Variants in ADCY3 observed in about 807,000 individuals in gnomAD.
The protein encoded by ADCY3 is adenylate cyclase 3.
A neutral mutation model predicts 119.4 loss-of-function variants in ADCY3; 70 were observed. That is an observed-to-expected ratio of 0.59 (90% CI 0.48 to 0.72). The LOEUF (loss-of-function observed/expected upper bound fraction) is 0.72, where lower values mean the gene tolerates loss of function less well. Among genes scored for constraint, ADCY3 ranks in the 30% least tolerant of loss-of-function variants. ADCY3 has a pLI of 0.00. For missense variants in ADCY3, 1,238 were observed against 1,541.6 expected, an observed-to-expected ratio of 0.80 and a Z score of 3.30; for synonymous variants, 672 against 621.4, an observed-to-expected ratio of 1.08 and a Z score of -1.21.
At chr2:24,897,548 T>C (rs1678422981) in intron 2 of ADCY3, among the ~76,000 whole-genome samples, 1 of 152,150 alleles carries the variant, frequency 6.6e-6, no homozygotes, top group African/African-American at 2.4e-5. Flanking sequence ...CCTGACACAG[T>C]GCCCGGCGCG....
At chr2:24,909,771 G>A (rs560114483) in intron 2 of ADCY3, among the ~76,000 whole-genome samples, 1 of 152,216 alleles carries the variant, frequency 6.6e-6, no homozygotes, top group South Asian at 2.1e-4. Flanking sequence ...TCCCCCATGT[G>A]CCTCCTGGTT....
chr2:24,841,073 T>TAAG lies in ADCY3; in HGVS notation c.1196+183_1196+185dup, dbSNP rs1670943518. On this transcript the variant is annotated intron_variant, in intron 6 of 21. Transcript: ENST00000679454. This position sits in a 1 kb window ranked among gnomAD's most constrained non-coding sequence, Gnocchi z 5.8. ...CAGGTCCCCTGGGCTGTGAGGAAGG[T>TAAG]AAGCCACATCCCAGCTTCTAGAGCG... is the stretch of plus-strand genomic sequence containing the variant. Among the ~76,000 whole-genome samples, 5 of 152,226 alleles carry TAAG rather than the reference T, an allele frequency of 3.3e-5. No individual in the cohort carries two copies. The South Asian group carries it at 1.0e-3, about 32-fold the overall frequency.
Position 24,878,054 on chromosome 2 carries a change from T to A in ADCY3, c.676-5335A>T. On this transcript the variant is annotated intron_variant, in intron 2 of 21. Coordinates refer to ENST00000679454, the MANE Select transcript of ADCY3 (RefSeq NM_004036.5). The surrounding 1 kb of genome is among the most constrained non-coding windows in gnomAD (Gnocchi z 4.0). ...AGGTCCACAGCCCCTGGGGTCTCTATTTATAGATCTTTTTACAAGTTTCTT... is the reference window on the plus strand; with the variant it reads ...AGGTCCACAGCCCCTGGGGTCTCTAATTATAGATCTTTTTACAAGTTTCTT... 3.2e-6 allele frequency: 1 copy of A among 313,718 alleles called. No individual in the cohort carries two copies. The highest frequency in any genetic ancestry group is 6.9e-6 in the Non-Finnish European group (1 of 145,076). 19.4% of individuals were successfully genotyped at this position (313,718 alleles called of 1,614,324 possible).
intron 2 of ADCY3, among the ~76,000 whole-genome samples, chr2:24,892,243 T>C (rs2148940177): frequency 7.0e-6 from 1 of 143,878 alleles, no homozygotes; most frequent in African/African-American, 2.8e-5. Context: ...TCTTTTAAAG[T>C]GTATTGAGTC....
At chr2:24,827,699 C>CG in intron 14 of ADCY3, 91 bp from the exon 15 acceptor site, 1 of 1,446,878 alleles carries the variant, frequency 6.9e-7, no homozygotes, top group Non-Finnish European at 9.5e-7. Context: ...GTCCTCCACT[C>CG]GGGGAGAATG....
At chr2:24,820,202 C>T (rs1667359483) in intron 21 of ADCY3, 88 bp from the exon 22 acceptor site, 2 of 1,279,678 alleles carry the variant, frequency 1.6e-6, no homozygotes, top group Admixed American at 2.6e-5. Flanking sequence ...TGGAGCCGAG[C>T]ACTGATCCAT....
chr2:24,860,796 C>G (rs1009325360), intron 3 of ADCY3, among the ~76,000 whole-genome samples: 3 of 152,104 alleles, frequency 2.0e-5, no homozygotes, highest in Non-Finnish European at 4.4e-5. Context: ...GTACAACTTC[C>G]CAGGGGATGG....
chr2:24,822,445 G>A (rs954126099), intron 19 of ADCY3, 66 bp downstream of exon 19: 3 of 1,593,970 alleles, frequency 1.9e-6, no homozygotes, highest in Admixed American at 1.7e-5. Context: ...CCCATGCTAG[G>A]TCTGGGCTGC....
intron 2 of ADCY3, among the ~76,000 whole-genome samples, chr2:24,884,182 G>A (rs1240528981): frequency 6.6e-6 from 1 of 151,942 alleles, no homozygotes; most frequent in Admixed American, 6.6e-5. Flanking sequence ...TTCCAGTTCA[G>A]TGTTTCTGGG....
In ADCY3 at chr2:24,838,620, C is replaced by T. The variant is rs777689844; in HGVS notation, c.1358G>A (p.Arg453His). Residue 453 changes from arginine to histidine, a missense_variant and splice_region_variant, in exon 8 of 22, where the codon CGC becomes CAC. This residue lies in a region of ADCY3 where 283 missense variants were observed against 437.2 expected (regional missense o/e 0.65). Transcript: ENST00000679454. ...CATGGTGCTCTGGGAGATGTGCACG[C>T]GCCTGGATTGCAGAGAGAGAGGCCC... The part of the protein sequence containing the change: ...NKMEAGGIPG[R>H]VHISQSTMDC... The T allele has an allele frequency of 6.8e-6, 11 of 1,613,644 alleles. No individual in the cohort carries two copies. The highest frequency in any genetic ancestry group is 3.3e-5 in the South Asian group (3 of 91,064).
At chr2:24,833,926 A>G (rs141441373) in intron 11 of ADCY3, among the ~76,000 whole-genome samples, 251 of 152,352 alleles carry the variant, frequency 1.6e-3, no homozygotes, top group Middle Eastern at 3.4e-3. Flanking sequence ...CTCCTCTGTG[A>G]CGGGGAATCC....
rs1213819441 is a variant in ADCY3, at chr2:24,872,943, C to T, written c.676-224G>A. ...TCCACCCAGGGGCATGGCTCAAGGC[C>T]TGAAAGGCTCAAGGGTTCCACGAGG... On this transcript the variant is annotated intron_variant, in intron 2 of 21. Coordinates refer to ENST00000679454, the MANE Select transcript of ADCY3 (RefSeq NM_004036.5). This position sits in a 1 kb window ranked among gnomAD's most constrained non-coding sequence, Gnocchi z 4.4. Among the ~76,000 whole-genome samples the T allele has an allele frequency of 6.6e-6, 1 of 152,210 alleles. No individual in the cohort carries two copies. The highest frequency in any genetic ancestry group is 1.5e-5 in the Non-Finnish European group (1 of 68,032).
At position 24,841,039 on chromosome 2, in the gene ADCY3, G is replaced by T. The variant is rs77619458; in HGVS notation, c.1196+220C>A. Among the ~76,000 whole-genome samples the T allele has an allele frequency of 9.2e-5, 14 of 152,212 alleles. No homozygotes were observed. Among genetic ancestry groups the T allele is most frequent in the African/African-American group, 3.4e-4 (14 of 41,442 alleles). On this transcript the variant is annotated intron_variant, in intron 6 of 21. Transcript: ENST00000679454. The surrounding 1 kb of genome is among the most constrained non-coding windows in gnomAD (Gnocchi z 5.8). ...GGAAAAGTGTGCCCCACAGGCTGGG[G>T]GAGCCTCGCAGGTCCCCTGGGCTGT... is the stretch of plus-strand genomic sequence containing the variant.
At chr2:24,821,034 G>C (rs1667589282) in intron 20 of ADCY3, 186 bp from the exon 21 acceptor site, 9 of 814,834 alleles carry the variant, frequency 1.1e-5, no homozygotes, top group Non-Finnish European at 1.6e-5. Context: ...GTGCTTGTTA[G>C]GTGTCAGCCG....
rs10679825 is a variant in ADCY3 at position 24,819,331 on chromosome 2, C to CTGTT, written c.*597_*600dup. The CTGTT allele has an allele frequency of 0.067, 10,167 of 152,690 alleles. 393 individuals are homozygous for CTGTT. Among genetic ancestry groups the CTGTT allele is most frequent in the East Asian group, 0.18 (911 of 5,180 alleles). 9.5% of individuals were successfully genotyped at this position (152,690 alleles called of 1,614,324 possible). A position where few individuals can be genotyped will look rare whatever the true frequency, so the allele number is the denominator to read the frequency against. On this transcript the variant is annotated 3_prime_UTR_variant, in exon 22 of 22. Coordinates refer to ENST00000679454, the MANE Select transcript of ADCY3 (RefSeq NM_004036.5). ...GATTAAAAATATAAATGTAGAAGAT[C>CTGTT]TGTTTATATATTTTTCTTTCAGAAA...
chr2:24,828,966 A>C (rs948191379), intron 13 of ADCY3, among the ~76,000 whole-genome samples: 5 of 151,800 alleles, frequency 3.3e-5, no homozygotes, highest in African/African-American at 9.7e-5. Context: ...ACCCCTGGCC[A>C]AGGTAGGCTC....
intron 2 of ADCY3, among the ~76,000 whole-genome samples, chr2:24,885,799 A>C (rs919322425): frequency 6.6e-6 from 1 of 152,202 alleles, no homozygotes; most frequent in Non-Finnish European, 1.5e-5. Flanking sequence ...TCATTCTGGC[A>C]TTCAGGGTCC....
At chr2:24,892,935 A>C (rs1036393726) in intron 2 of ADCY3, among the ~76,000 whole-genome samples, 11 of 151,928 alleles carry the variant, frequency 7.2e-5, no homozygotes, top group Non-Finnish European at 1.5e-4. Context: ...AAGTGCTGGG[A>C]TCACAAGTGT....
At chr2:24,857,991 ATTTTTTT>A (rs56672595) in intron 3 of ADCY3, among the ~76,000 whole-genome samples, 9 of 122,394 alleles carry the variant, frequency 7.4e-5, no homozygotes, top group South Asian at 5.3e-4. Context: ...TGTGGTCTGA[ATTTTTTT>A]TTTTTTTTTT....
Sources: allele counts gnomAD v4.1 joint callset (sites outside exome capture counted in the v4.1 genomes callset), GRCh38; gene constraint gnomAD v4.1.1; regional missense constraint gnomAD v4.1.1; non-coding constraint Gnocchi (gnomAD v3.1); transcripts MANE v1.5; gene names NCBI Gene and HGNC (gene_info 2026-07-23, HGNC 2026-07-21).